The following DUSP19 variants were observed in gnomAD, a reference collection of about 807,000 sequenced individuals.
DUSP19 encodes dual specificity protein phosphatase 19.
A neutral mutation model predicts 16.6 loss-of-function variants in DUSP19; 14 were observed. The ratio of observed to expected loss-of-function variants is 0.84; its 90% CI spans 0.56 to 1.32. The LOEUF (loss-of-function observed/expected upper bound fraction) is 1.32, where lower values mean the gene tolerates loss of function less well. Among genes scored for constraint, DUSP19 ranks in the 40% most tolerant of loss-of-function variants. The probability of loss-of-function intolerance (pLI) is 0.00; values close to 1 mark genes in which losing one functional copy is unlikely to be tolerated. For synonymous variants in DUSP19, 81 were observed against 90.5 expected, an observed-to-expected ratio of 0.90 and a Z score of 0.59; for missense variants, 258 against 255.9, an observed-to-expected ratio of 1.01 and a Z score of -0.06.
rs1473444845 is a variant in DUSP19 at position 183,099,630 on chromosome 2, T to G, written c.*3972T>G. ...TAATAAAAATGATATGTTTAATATT[T>G]TCCCATTAATATATTTCTTTGAAGC... On this transcript the variant is annotated 3_prime_UTR_variant, in exon 4 of 4. Coordinates refer to ENST00000354221, the MANE Select transcript of DUSP19 (RefSeq NM_080876.4). 4 of 152,248 alleles carry G rather than the reference T, an allele frequency of 2.6e-5. No homozygotes were observed. The East Asian group carries it at 5.8e-4, about 22-fold the overall frequency. The allele number at this position is 152,248 out of a possible 1,614,324, so 9.4% of individuals were successfully genotyped here.
At chr2:183,095,109 AC>A (rs1213375956) in intron 3 of DUSP19, among the ~76,000 whole-genome samples, 1 of 152,122 alleles carries the variant, frequency 6.6e-6, no homozygotes, top group African/African-American at 2.4e-5. Flanking sequence ...ACATTTGGCT[AC>A]TAAGTTGTTA....
intron 3 of DUSP19, among the ~76,000 whole-genome samples, chr2:183,092,699 GTTTTTT>G (rs781697293): frequency 1.7e-5 from 2 of 119,158 alleles, no homozygotes; most frequent in African/African-American, 3.2e-5. Context: ...TTCTGCCCAA[GTTTTTT>G]TTTTTTTTTT....
rs1575099801 is a variant in DUSP19 at position 183,097,078 on chromosome 2, T to G, written c.*1420T>G. 1 of 150,400 alleles carries G rather than the reference T, an allele frequency of 6.6e-6. No individual in the cohort carries two copies. The highest frequency in any genetic ancestry group is 6.7e-5 in the Admixed American group (1 of 14,890). The allele number at this position is 150,400 out of a possible 1,614,324, so 9.3% of individuals were successfully genotyped here. On this transcript the variant is annotated 3_prime_UTR_variant, in exon 4 of 4. Transcript: ENST00000354221. The stretch of plus-strand genomic sequence containing the variant: ...TCTTGCTCTGTCACCTAGGCTAGAG[T>G]GGAGTGGCATGAACACAACGCACTG...
intron 3 of DUSP19, among the ~76,000 whole-genome samples, chr2:183,093,287 A>C (rs1699755819): frequency 1.3e-5 from 2 of 152,268 alleles, no homozygotes; most frequent in Admixed American, 6.5e-5. Flanking sequence ...TCAGAAATGC[A>C]GAACAAATGT....
chr2:183,089,564 C>T (rs1431906717), intron 3 of DUSP19, among the ~76,000 whole-genome samples: 1 of 151,764 alleles, frequency 6.6e-6, no homozygotes, highest in Non-Finnish European at 1.5e-5. Flanking sequence ...CCTGTCTATA[C>T]TGTGGACACC....
intron 3 of DUSP19, among the ~76,000 whole-genome samples, chr2:183,088,579 C>T (rs1699693997): frequency 6.6e-6 from 1 of 151,382 alleles, no homozygotes; most frequent in South Asian, 2.1e-4. Flanking sequence ...CACACTGCCA[C>T]ACCCGGGTAA....
chr2:183,079,201 G>A lies in DUSP19; in HGVS notation c.226+42G>A, dbSNP rs549522056. 9.6e-6 allele frequency: 15 copies of A among 1,557,910 alleles called. No homozygotes were observed. In the South Asian group the frequency reaches 1.7e-4, roughly 18 times the overall value. Reference sequence around the variant, plus strand: ...GCCACTAGATCATTGAGTCCTTTTAGCCAGATTACGTTCTCATTTTCCCCC... The same window carrying A: ...GCCACTAGATCATTGAGTCCTTTTAACCAGATTACGTTCTCATTTTCCCCC... On this transcript the variant is annotated intron_variant, in intron 1 of 3. Transcript: ENST00000354221.
rs1699822231 is a variant in DUSP19 at position 183,097,776 on chromosome 2, A to T, written c.*2118A>T. 6.6e-6 allele frequency: 1 copy of T among 152,148 alleles called. No homozygotes were observed. Among genetic ancestry groups the T allele is most frequent in the Admixed American group, 6.5e-5 (1 of 15,272 alleles). The allele number at this position is 152,148 out of a possible 1,614,324, so 9.4% of individuals were successfully genotyped here. A position where few individuals can be genotyped will look rare whatever the true frequency, so the allele number is the denominator to read the frequency against. On this transcript the variant is annotated 3_prime_UTR_variant, in exon 4 of 4. Transcript: ENST00000354221. Reference sequence around the variant, plus strand: ...GAAAGGATGTATTTAAATACATTTTATTTTGCTAAATCCTGTTTAGTTTTC... The same window carrying T: ...GAAAGGATGTATTTAAATACATTTTTTTTTGCTAAATCCTGTTTAGTTTTC...
intron 3 of DUSP19, among the ~76,000 whole-genome samples, chr2:183,090,185 T>C (rs1241947176): frequency 1.3e-5 from 2 of 152,266 alleles, no homozygotes; most frequent in African/African-American, 2.4e-5. Context: ...TTGTTAAATC[T>C]AATTACTCAG....
At chr2:183,079,281 C>A (rs1374814156) in intron 1 of DUSP19, 122 bp downstream of exon 1, 6 of 1,000,858 alleles carry the variant, frequency 6.0e-6, no homozygotes, top group African/African-American at 1.6e-5. Context: ...TGAACTGTTT[C>A]CTTTTTTGGA....
At position 183,099,904 on chromosome 2, in the gene DUSP19, G is replaced by C. The variant is rs1699852246; in HGVS notation, c.*4246G>C. On this transcript the variant is annotated 3_prime_UTR_variant, in exon 4 of 4. Transcript: ENST00000354221. ...CCCAGCTTCTTAGGAGGCTGAGGTA[G>C]GAGAATTGCTTGACCCTGGGAGGTG... The C allele has an allele frequency of 6.6e-6, 1 of 151,844 alleles. No homozygotes were observed. Among genetic ancestry groups the C allele is most frequent in the South Asian group, 2.1e-4 (1 of 4,830 alleles). 9.4% of individuals were successfully genotyped at this position (151,844 alleles called of 1,614,324 possible). A position where few individuals can be genotyped will look rare whatever the true frequency, so the allele number is the denominator to read the frequency against.
Position 183,088,515 on chromosome 2 carries a change from C to T in DUSP19, c.426+1323C>T, listed in dbSNP as rs1408455049. 6.0e-5 allele frequency among the ~76,000 whole-genome samples: 9 copies of T among 148,964 alleles called. 1 individual carries two copies. The highest frequency in any genetic ancestry group is 2.0e-4 in the African/African-American group (8 of 40,324). On this transcript the variant is annotated intron_variant, in intron 3 of 3. Coordinates refer to ENST00000354221, the MANE Select transcript of DUSP19 (RefSeq NM_080876.4). ...CCGGCTCACTGCAACCTCCGCCTCT[C>T]GGGTTCAAGTGATTCTCCTGCCTCA...
chr2:183,087,983 C>T (rs1699683592), intron 3 of DUSP19, among the ~76,000 whole-genome samples: 1 of 152,108 alleles, frequency 6.6e-6, no homozygotes, highest in African/African-American at 2.4e-5. Context: ...TACTAGACTA[C>T]CCAGAAAATA....
At chr2:183,089,990 T>C (rs1699712256) in intron 3 of DUSP19, among the ~76,000 whole-genome samples, 1 of 152,132 alleles carries the variant, frequency 6.6e-6, no homozygotes, top group South Asian at 2.1e-4. Context: ...GCCAGGATGG[T>C]CTCAAATGCC....
At position 183,078,795 on chromosome 2, in the gene DUSP19, C is replaced by G. The variant is rs1699551809; in HGVS notation, c.-139C>G. 1.4e-6 allele frequency: 1 copy of G among 708,098 alleles called. No individual in the cohort carries two copies. The highest frequency in any genetic ancestry group is 2.3e-6 in the Non-Finnish European group (1 of 426,528). The allele number at this position is 708,098 out of a possible 1,614,324, so 43.9% of individuals were successfully genotyped here. ...GAGCTGGACGACTCAGTCTCTTGGT[C>G]TGTGGCTGCTGCGGTTACCTGGATG... On this transcript the variant is annotated 5_prime_UTR_variant, in exon 1 of 4. Coordinates refer to ENST00000354221, the MANE Select transcript of DUSP19 (RefSeq NM_080876.4).
intron 2 of DUSP19, among the ~76,000 whole-genome samples, chr2:183,085,867 T>TG (rs1699654661): frequency 1.5e-5 from 2 of 129,786 alleles, no homozygotes; most frequent in African/African-American, 5.8e-5. Flanking sequence ...TTTTTTTTTT[T>TG]TTTTTTTTTT....
intron 3 of DUSP19, among the ~76,000 whole-genome samples, chr2:183,089,610 G>A (rs1033723134): frequency 6.6e-6 from 1 of 152,192 alleles, no homozygotes; most frequent in Non-Finnish European, 1.5e-5. Flanking sequence ...AGGCAAAAGT[G>A]AAAGCAGGGG....
At chr2:183,084,991 A>G (rs562691464) in intron 2 of DUSP19, among the ~76,000 whole-genome samples, 1 of 152,278 alleles carries the variant, frequency 6.6e-6, no homozygotes. Flanking sequence ...TAACTAAGTA[A>G]AGTTATCGTT....
Position 183,099,830 on chromosome 2 carries a change from T to C in DUSP19, c.*4172T>C, listed in dbSNP as rs546952031. On this transcript the variant is annotated 3_prime_UTR_variant, in exon 4 of 4. Coordinates refer to ENST00000354221, the MANE Select transcript of DUSP19 (RefSeq NM_080876.4). ...GCCTGGCCAACATGGCAAAACCCCA[T>C]CACTAAAAATACAAAAATTACCCGG... The C allele has an allele frequency of 3.3e-5, 5 of 151,864 alleles. No homozygotes were observed. The highest frequency in any genetic ancestry group is 3.3e-4 in the Admixed American group (5 of 15,228). The allele number at this position is 151,864 out of a possible 1,614,324, so 9.4% of individuals were successfully genotyped here.
Sources: gnomAD v4.1 joint callset for allele counts (sites outside exome capture counted in the v4.1 genomes callset) on GRCh38, gnomAD v4.1.1 for gene constraint, MANE v1.5 for transcripts, NCBI Gene and HGNC (gene_info 2026-07-23, HGNC 2026-07-21) for gene names.